Variants in VSIG1 observed in about 807,000 individuals in gnomAD.
VSIG1 encodes V-set and immunoglobulin domain containing 1.
Under a neutral mutation model 20.1 loss-of-function variants are expected in VSIG1, and 11 were observed. The observed-to-expected ratio is 0.55, with a 90% CI of 0.34 to 0.91. The LOEUF (loss-of-function observed/expected upper bound fraction) is 0.91, where lower values mean the gene tolerates loss of function less well. Ranked by LOEUF, VSIG1 falls within the 40% of genes least tolerant of loss-of-function variation. The pLI is 0.02. For missense variants in VSIG1, 283 were observed against 298.8 expected (o/e 0.95, Z 0.39); for synonymous variants, 126 against 116.7 (o/e 1.08, Z -0.52).
chrX:108,025,440 A>G, the VSIG1 span, among the ~76,000 whole-genome samples: 5 of 112,129 alleles, frequency 4.5e-5, no homozygotes, highest in Admixed American at 9.4e-5. Flanking sequence ...TTGGTGTTGT[A>G]TATTCTTGGT....
chrX:108,072,409 C>A (rs1250826214), intron 3 of VSIG1, among the ~76,000 whole-genome samples: 4 of 110,376 alleles, frequency 3.6e-5, no homozygotes, highest in Non-Finnish European at 5.7e-5. Context: ...CCCACCACCA[C>A]GCCCAGCTAA....
At chrX:108,026,254 A>G in the VSIG1 span, among the ~76,000 whole-genome samples, 1 of 111,557 alleles carries the variant, frequency 9.0e-6, no homozygotes, top group Non-Finnish European at 1.9e-5. Flanking sequence ...TTTAACTGCA[A>G]TTTGCTCAAA....
At chrX:108,054,127 T>C (rs1447685980) in intron 1 of VSIG1, among the ~76,000 whole-genome samples, 1 of 112,038 alleles carries the variant, frequency 8.9e-6, no homozygotes, top group Non-Finnish European at 1.9e-5. Context: ...GCTTCATTAA[T>C]ATCTGATAAA....
At chrX:108,054,880 A>G (rs1405825472) in intron 1 of VSIG1, among the ~76,000 whole-genome samples, 3 of 108,638 alleles carry the variant, frequency 2.8e-5, no homozygotes, top group Non-Finnish European at 5.7e-5. Context: ...TCTTAAGTCA[A>G]TAACCTAAAT....
intron 6 of VSIG1, among the ~76,000 whole-genome samples, chrX:108,076,440 T>C (rs1298588005): frequency 8.9e-6 from 1 of 112,381 alleles, no homozygotes; most frequent in Non-Finnish European, 1.9e-5. Flanking sequence ...CATTTAGCTA[T>C]CACAACAGTT....
chrX:108,048,997 T>C (rs1455400902), intron 1 of VSIG1, among the ~76,000 whole-genome samples: 2 of 112,413 alleles, frequency 1.8e-5, no homozygotes, highest in Non-Finnish European at 3.8e-5. Context: ...CTCTGAAGCA[T>C]ATCATCACTA....
the VSIG1 span, among the ~76,000 whole-genome samples, chrX:108,028,477 C>A: frequency 8.1e-5 from 9 of 111,282 alleles, no homozygotes; most frequent in Admixed American, 8.6e-4. Context: ...CTGATCAAGG[C>A]AGAGGACCAG....
upstream of VSIG1, among the ~76,000 whole-genome samples, chrX:108,040,497 T>C (rs1292201237): frequency 8.9e-6 from 1 of 112,025 alleles, no homozygotes; most frequent in African/African-American, 3.2e-5. Flanking sequence ...GGCGGACAAT[T>C]TTGCAGTCTA....
chrX:108,037,873 A>C, the VSIG1 span, among the ~76,000 whole-genome samples: 3 of 111,836 alleles, frequency 2.7e-5, no homozygotes, highest in South Asian at 1.1e-3. Flanking sequence ...GTATTATGTG[A>C]AAAAGTAATG....
chrX:108,041,831 C>A (rs745451853), upstream of VSIG1, among the ~76,000 whole-genome samples: 42 of 106,615 alleles, frequency 3.9e-4, no homozygotes, highest in African/African-American at 1.3e-3. Flanking sequence ...ATACTGGGGG[C>A]AGTAGCATAT....
the VSIG1 span, among the ~76,000 whole-genome samples, chrX:108,031,652 G>A: frequency 1.8e-5 from 2 of 112,074 alleles, no homozygotes; most frequent in African/African-American, 6.5e-5. Context: ...TAAAATATTG[G>A]CCACCAAATT....
At chrX:108,028,577 A>G in the VSIG1 span, among the ~76,000 whole-genome samples, 1 of 111,051 alleles carries the variant, frequency 9.0e-6, no homozygotes, top group Non-Finnish European at 1.9e-5. Flanking sequence ...AAGTGAATAG[A>G]GGACTTAAGA....
intron 2 of VSIG1, among the ~76,000 whole-genome samples, chrX:108,062,750 C>A (rs897093120): frequency 8.9e-6 from 1 of 111,749 alleles, no homozygotes; most frequent in Non-Finnish European, 1.9e-5. Context: ...ACCATTGCCA[C>A]CTTATACCTG....
chrX:108,066,850 G>A, intron 2 of VSIG1, 86 bp from the exon 3 acceptor site: 1 of 891,689 alleles, frequency 1.1e-6, no homozygotes, highest in Non-Finnish European at 1.6e-6. Context: ...CTTTATCAAA[G>A]GTAATGTGTT....
the VSIG1 span, among the ~76,000 whole-genome samples, chrX:108,027,216 A>G: frequency 1.8e-5 from 2 of 111,816 alleles, no homozygotes; most frequent in Non-Finnish European, 3.8e-5. Context: ...AGAAAATCCT[A>G]TGCATAAATG....
chrX:108,073,559 T>G (rs750107346), intron 5 of VSIG1, 190 bp downstream of exon 5: 11 of 461,473 alleles, frequency 2.4e-5, no homozygotes, highest in Non-Finnish European at 3.7e-5. Flanking sequence ...ATATGCCATA[T>G]GCTGCCCTAA....
the VSIG1 span, among the ~76,000 whole-genome samples, chrX:108,038,121 T>C: frequency 8.1e-5 from 9 of 111,529 alleles, no homozygotes; most frequent in African/African-American, 1.6e-4. Flanking sequence ...CCATGATACA[T>C]ATGCAGAACG....
chrX:108,051,485 G>A (rs745441042), intron 1 of VSIG1, among the ~76,000 whole-genome samples: 1 of 112,285 alleles, frequency 8.9e-6, no homozygotes, highest in South Asian at 3.7e-4. Context: ...GACCACAAAA[G>A]TAAGCCAACA....
chrX:108,031,349 T>C, the VSIG1 span, among the ~76,000 whole-genome samples: 1 of 112,380 alleles, frequency 8.9e-6, no homozygotes, highest in South Asian at 3.7e-4. Context: ...TTTTTGTGTG[T>C]GCCAATCATT....
Sources: gnomAD v4.1 joint callset for allele counts (sites outside exome capture counted in the v4.1 genomes callset) on GRCh38, gnomAD v4.1.1 for gene constraint, MANE v1.5 for transcripts, NCBI Gene and HGNC (gene_info 2026-07-23, HGNC 2026-07-21) for gene names.